Variants in VPS53 observed in about 807,000 individuals in gnomAD.
VPS53 encodes the protein vacuolar protein sorting-associated protein 53 homolog.
VPS53 carries 70 observed loss-of-function variants against 107.0 expected under a neutral mutation model. That is an observed-to-expected ratio of 0.65 (90% CI 0.54 to 0.80). The LOEUF (loss-of-function observed/expected upper bound fraction) is 0.80, where lower values mean the gene tolerates loss of function less well. VPS53 is among the 30% of genes least tolerant of loss of function. VPS53 has a pLI of 0.00. For missense variants in VPS53, 917 were observed against 1,049.4 expected (o/e 0.87, Z 1.74); for synonymous variants, 409 against 393.3 (o/e 1.04, Z -0.47).
chr17:608,099 G>A (rs1438760444), intron 11 of VPS53, among the ~76,000 whole-genome samples: 1 of 152,118 alleles, frequency 6.6e-6, no homozygotes, highest in African/African-American at 2.4e-5. Flanking sequence ...ATTCCTAATT[G>A]GTCCTTAAAG....
chr17:635,223 G>A (rs541260212), intron 7 of VPS53, among the ~76,000 whole-genome samples: 4 of 152,194 alleles, frequency 2.6e-5, no homozygotes, highest in South Asian at 2.1e-4. Context: ...CATATCCTTC[G>A]CCCACTTCTT....
intron 19 of VPS53, among the ~76,000 whole-genome samples, chr17:525,966 C>T (rs968625286): frequency 7.7e-6 from 1 of 129,268 alleles, no homozygotes; most frequent in Non-Finnish European, 1.5e-5. Context: ...CATTGTACTC[C>T]AGACTGGGCA....
At chr17:631,996 C>T (rs1361824617) in intron 7 of VPS53, among the ~76,000 whole-genome samples, 1 of 152,166 alleles carries the variant, frequency 6.6e-6, no homozygotes, top group Non-Finnish European at 1.5e-5. Context: ...CGCCTGGAAT[C>T]CCAGCATGTG....
intron 4 of VPS53, among the ~76,000 whole-genome samples, chr17:663,907 A>G (rs1009518650): frequency 6.6e-6 from 1 of 152,198 alleles, no homozygotes; most frequent in African/African-American, 2.4e-5. Context: ...GAAAAACAAC[A>G]AAATAAAGAA....
chr17:602,036 A>C, intron 11 of VPS53, 140 bp from the exon 12 acceptor site: 1 of 510,214 alleles, frequency 2.0e-6, no homozygotes, highest in South Asian at 4.8e-5. Context: ...AACCCAGACC[A>C]CATTCTTGCC....
At chr17:654,736 C>CAAAAAAAAAAAAAAA (rs35308893) in intron 6 of VPS53, among the ~76,000 whole-genome samples, 2 of 67,536 alleles carry the variant, frequency 3.0e-5, no homozygotes, top group African/African-American at 4.3e-5. Flanking sequence ...GACTCCAACT[C>CAAAAAAAAAAAAAAA]AAAAAAAAAA....
intron 15 of VPS53, among the ~76,000 whole-genome samples, chr17:559,775 G>A (rs988031098): frequency 6.6e-6 from 1 of 152,188 alleles, no homozygotes; most frequent in African/African-American, 2.4e-5. Flanking sequence ...TTGGCCTCAG[G>A]GGAATCCCAG....
chr17:598,099 G>A (rs1968075712), intron 12 of VPS53, among the ~76,000 whole-genome samples: 2 of 152,164 alleles, frequency 1.3e-5, no homozygotes, highest in Admixed American at 1.3e-4. Context: ...AGCCTGCCGA[G>A]TGCCTGCGAT....
At chr17:567,665 TAGG>T (rs146030947) in intron 13 of VPS53, among the ~76,000 whole-genome samples, 2,581 of 151,936 alleles carry the variant, frequency 0.017, 39 homozygotes, top group Non-Finnish European at 0.025. Context: ...CATGCATGGC[TAGG>T]AGGAGGCCAG....
intron 19 of VPS53, among the ~76,000 whole-genome samples, chr17:522,178 C>G (rs1415309824): frequency 6.6e-6 from 1 of 152,144 alleles, no homozygotes; most frequent in Non-Finnish European, 1.5e-5. Flanking sequence ...TCGCTTAAGC[C>G]TGGGAGGTTG....
At chr17:530,217 T>G (rs1217454620) in intron 19 of VPS53, among the ~76,000 whole-genome samples, 1 of 148,800 alleles carries the variant, frequency 6.7e-6, no homozygotes, top group East Asian at 2.0e-4. Flanking sequence ...CTCAGCTCAC[T>G]GCAACCTCCC....
intron 4 of VPS53, among the ~76,000 whole-genome samples, chr17:664,498 G>A (rs180727539): frequency 3.9e-5 from 6 of 152,290 alleles, no homozygotes; most frequent in Admixed American, 3.3e-4. Context: ...TATTGCAGCG[G>A]GAAGTGTCTG....
At chr17:546,640 T>C (rs1172834795) in intron 17 of VPS53, among the ~76,000 whole-genome samples, 3 of 152,126 alleles carry the variant, frequency 2.0e-5, no homozygotes, top group African/African-American at 4.8e-5. Context: ...ATGCAAGGAA[T>C]GCAAACTGTA....
At chr17:653,149 T>G in intron 7 of VPS53, 142 bp downstream of exon 7, 1 of 1,557,586 alleles carries the variant, frequency 6.4e-7, no homozygotes, top group African/African-American at 1.4e-5. Flanking sequence ...CCATATACTT[T>G]CCCTCCGGTG....
chr17:665,165 T>C (rs1004562269), intron 4 of VPS53, among the ~76,000 whole-genome samples: 7 of 151,662 alleles, frequency 4.6e-5, no homozygotes, highest in African/African-American at 1.7e-4. Flanking sequence ...ATCTCGGGAG[T>C]GGGTTCTTGA....
intron 17 of VPS53, among the ~76,000 whole-genome samples, chr17:548,973 A>G (rs1383355739): frequency 6.6e-6 from 1 of 152,098 alleles, no homozygotes; most frequent in Non-Finnish European, 1.5e-5. Flanking sequence ...AAAAGGGTGT[A>G]TTTTGTACTT....
At chr17:666,466 C>T (rs1354578527) in intron 4 of VPS53, among the ~76,000 whole-genome samples, 1 of 152,126 alleles carries the variant, frequency 6.6e-6, no homozygotes, top group Non-Finnish European at 1.5e-5. Context: ...GAGTTCAAGA[C>T]CAGCCTGACC....
Position 518,212 on chromosome 17 carries a change from G to A in VPS53, c.*916C>T, listed in dbSNP as rs1454747358. ...ATATGCTGCCATTCTCTGGATGCAG[G>A]ATGACATGAGAGGTCGGGAGCAGTC... On this transcript the variant is annotated 3_prime_UTR_variant, in exon 22 of 22. Coordinates refer to ENST00000437048, the MANE Select transcript of VPS53 (RefSeq NM_001128159.3). 2 of 146,688 alleles carry A rather than the reference G, an allele frequency of 1.4e-5. No homozygotes were observed. Among genetic ancestry groups the A allele is most frequent in the East Asian group, 4.2e-4 (2 of 4,712 alleles). 9.1% of individuals were successfully genotyped at this position (146,688 alleles called of 1,614,324 possible). A position where few individuals can be genotyped will look rare whatever the true frequency, so the allele number is the denominator to read the frequency against.
At chr17:620,401 G>A (rs1472311799) in intron 11 of VPS53, among the ~76,000 whole-genome samples, 1 of 152,242 alleles carries the variant, frequency 6.6e-6, no homozygotes, top group Non-Finnish European at 1.5e-5. Context: ...CAGAAGGGTA[G>A]GAGCTAGAGA....
Sources: gnomAD v4.1 joint callset for allele counts (sites outside exome capture counted in the v4.1 genomes callset) on GRCh38, gnomAD v4.1.1 for gene constraint, MANE v1.5 for transcripts, NCBI Gene and HGNC (gene_info 2026-07-23, HGNC 2026-07-21) for gene names.